The following PARD3B variants were observed in gnomAD, a reference collection of about 807,000 sequenced individuals.
The protein encoded by PARD3B is par-3 family cell polarity regulator beta, also known as partitioning defective 3 homolog B.
Under a neutral mutation model 130.2 loss-of-function variants are expected in PARD3B, and 103 were observed. That is an observed-to-expected ratio of 0.79 (90% confidence interval 0.67 to 0.93). The LOEUF (loss-of-function observed/expected upper bound fraction) is 0.93. Ranked by LOEUF, PARD3B falls within the 40% of genes least tolerant of loss-of-function variation. The pLI, the probability that PARD3B is intolerant of heterozygous loss-of-function variation, is 0.00. For synonymous variants in PARD3B, 583 were observed against 553.2 expected, an observed-to-expected ratio of 1.05 and a Z score of -0.76; for missense variants, 1,609 against 1,499.2, an observed-to-expected ratio of 1.07 and a Z score of -1.21.
rs183599637 is a variant in PARD3B at position 204,859,487 on chromosome 2, T to C, written c.223-105665T>C. 2.4e-3 allele frequency among the ~76,000 whole-genome samples: 366 copies of C among 152,316 alleles called. 5 individuals carry two copies. The highest frequency in any genetic ancestry group is 4.4e-4 in the Non-Finnish European group (30 of 68,012). Reference sequence around the variant, plus strand: ...AGGTCAGACATGCCTATGGTGTACATTGCTATCTGTAAAGATTGGAAAACC... The same window carrying C: ...AGGTCAGACATGCCTATGGTGTACACTGCTATCTGTAAAGATTGGAAAACC... On this transcript the variant is annotated intron_variant, in intron 2 of 22. Coordinates refer to ENST00000406610, the MANE Select transcript of PARD3B (RefSeq NM_001302769.2).
At chr2:205,561,336 C>T (rs1254236931) in intron 22 of PARD3B, among the ~76,000 whole-genome samples, 1 of 152,138 alleles carries the variant, frequency 6.6e-6, no homozygotes, top group East Asian at 1.9e-4. Context: ...TGGGCGTTGG[C>T]TGAAGCTAAT....
At chr2:204,715,187 A>C (rs1192631285) in intron 2 of PARD3B, among the ~76,000 whole-genome samples, 1 of 152,192 alleles carries the variant, frequency 6.6e-6, no homozygotes, top group East Asian at 1.9e-4. Context: ...TTTCTAAGAA[A>C]ATAAAATGAT....
At chr2:204,616,759 A>G (rs1197030274) in intron 1 of PARD3B, among the ~76,000 whole-genome samples, 1 of 152,216 alleles carries the variant, frequency 6.6e-6, no homozygotes, top group South Asian at 2.1e-4. Flanking sequence ...ATGATGGTAC[A>G]TCCAGACAAT....
chr2:204,985,113 T>C (rs1693019909), intron 3 of PARD3B, among the ~76,000 whole-genome samples: 1 of 152,070 alleles, frequency 6.6e-6, no homozygotes, highest in South Asian at 2.1e-4. Flanking sequence ...GTCTGTCTCT[T>C]TCTCTTCTTT....
chr2:205,134,387 G>A (rs1359350289), intron 10 of PARD3B, among the ~76,000 whole-genome samples: 2 of 151,208 alleles, frequency 1.3e-5, no homozygotes, highest in African/African-American at 4.9e-5. Flanking sequence ...AGCCAGGCAT[G>A]GTGGCACACA....
chr2:204,629,277 C>G (rs912598714), intron 1 of PARD3B, among the ~76,000 whole-genome samples: 1 of 152,132 alleles, frequency 6.6e-6, no homozygotes, highest in African/African-American at 2.4e-5. Flanking sequence ...ATTAGCTTTC[C>G]AAGAATTAGA....
intron 18 of PARD3B, among the ~76,000 whole-genome samples, chr2:205,363,829 TGAC>T (rs1371446345): frequency 7.6e-6 from 1 of 131,386 alleles, no homozygotes; most frequent in African/African-American, 2.8e-5. Flanking sequence ...AACGCCTGAC[TGAC>T]TTTTTTTTTT....
intron 18 of PARD3B, among the ~76,000 whole-genome samples, chr2:205,371,503 C>G (rs150400141): frequency 2.0e-5 from 3 of 152,238 alleles, no homozygotes; most frequent in South Asian, 2.1e-4. Flanking sequence ...TGACATGGAA[C>G]TAGGAAGTGG....
At chr2:205,388,601 T>C (rs2045744355) in intron 18 of PARD3B, among the ~76,000 whole-genome samples, 1 of 152,232 alleles carries the variant, frequency 6.6e-6, no homozygotes, top group African/African-American at 2.4e-5. Context: ...AAGTTGTTGT[T>C]GTTTAATTCT....
chr2:205,491,736 G>A (rs72931713), intron 20 of PARD3B, among the ~76,000 whole-genome samples: 3,824 of 152,214 alleles, frequency 0.025, 69 homozygotes, highest in Middle Eastern at 0.061. Context: ...AGCTAGGGAT[G>A]GAAATACTAA....
At chr2:205,054,434 ATATTTTTTT>A (rs1371696105) in intron 4 of PARD3B, among the ~76,000 whole-genome samples, 18 of 29,486 alleles carry the variant, frequency 6.1e-4, no homozygotes, top group Admixed American at 2.3e-3. Context: ...ATATATATAT[ATATTTTTTT>A]TTTTTTTTTT....
In PARD3B at chr2:205,366,107, T is replaced by C. The variant is rs2044599015; in HGVS notation, c.2631-34906T>C. ...ATCCGTTTATCCATCCATTCATCCA[T>C]CCATCCATTATCCATATTTATGTTG... On this transcript the variant is annotated intron_variant, in intron 18 of 22. Transcript: ENST00000406610. The surrounding 1 kb of genome is among the most constrained non-coding windows in gnomAD (Gnocchi z 5.0). Among the ~76,000 whole-genome samples the C allele has an allele frequency of 1.3e-5, 2 of 148,214 alleles. No homozygotes were observed. The highest frequency in any genetic ancestry group is 4.6e-4 in the South Asian group (2 of 4,350).
At chr2:204,806,999 G>A (rs1435466201) in intron 2 of PARD3B, among the ~76,000 whole-genome samples, 1 of 152,118 alleles carries the variant, frequency 6.6e-6, no homozygotes, top group African/African-American at 2.4e-5. Flanking sequence ...CTATATGTCT[G>A]GGGAGGCTTC....
At chr2:205,023,994 C>A (rs1401895881) in intron 3 of PARD3B, among the ~76,000 whole-genome samples, 1 of 151,912 alleles carries the variant, frequency 6.6e-6, no homozygotes, top group Admixed American at 6.6e-5. Context: ...AACTCTTGGT[C>A]TCCCTTTTCT....
intron 11 of PARD3B, among the ~76,000 whole-genome samples, chr2:205,169,895 G>A (rs10188191): frequency 0.043 from 6,521 of 150,796 alleles, 449 homozygotes; most frequent in African/African-American, 0.15. Context: ...ATCACATAAC[G>A]AAACCATTCA....
rs1317697969 is a variant in PARD3B at position 205,263,560 on chromosome 2, A to G, written c.2185+17738A>G. On this transcript the variant is annotated intron_variant, in intron 16 of 22. Coordinates refer to ENST00000406610, the MANE Select transcript of PARD3B (RefSeq NM_001302769.2). This position sits in a 1 kb window ranked among gnomAD's most constrained non-coding sequence, Gnocchi z 4.0. ...AACCTCCGTCTATACCTTACACCAT[A>G]TAAGAAGCTAATCTGACATGGTTCA... Among the ~76,000 whole-genome samples the G allele has an allele frequency of 2.0e-5, 3 of 151,242 alleles. No individual in the cohort carries two copies. Among genetic ancestry groups the G allele is most frequent in the Non-Finnish European group, 4.4e-5 (3 of 67,690 alleles).
chr2:204,638,168 A>G (rs1024140194), intron 1 of PARD3B, among the ~76,000 whole-genome samples: 1 of 152,206 alleles, frequency 6.6e-6, no homozygotes, highest in Non-Finnish European at 1.5e-5. Flanking sequence ...TTTATAAAGA[A>G]TGGGTTATGA....
At chr2:204,557,442 A>T (rs1175506484) in intron 1 of PARD3B, among the ~76,000 whole-genome samples, 1 of 152,180 alleles carries the variant, frequency 6.6e-6, no homozygotes, top group Non-Finnish European at 1.5e-5. Flanking sequence ...GATGCTTTGA[A>T]GTTATCTCTC....
intron 21 of PARD3B, among the ~76,000 whole-genome samples, chr2:205,543,579 G>A (rs958792010): frequency 9.2e-5 from 14 of 152,176 alleles, no homozygotes; most frequent in African/African-American, 3.1e-4. Context: ...GCATTGTCGG[G>A]GGAGAAATGT....
Sources: gnomAD v4.1 joint callset for allele counts (sites outside exome capture counted in the v4.1 genomes callset) on GRCh38, gnomAD v4.1.1 for gene constraint, Gnocchi (gnomAD v3.1) non-coding constraint, MANE v1.5 for transcripts, NCBI Gene and HGNC (gene_info 2026-07-23, HGNC 2026-07-21) for gene names.